The following ADCY1 variants were observed in gnomAD, a reference collection of about 807,000 sequenced individuals.
ADCY1 encodes adenylate cyclase 1.
In ADCY1, 28 loss-of-function variants were observed where a neutral mutation model predicts 105.4. That is an observed-to-expected ratio of 0.27 (90% CI 0.20 to 0.36). The LOEUF is 0.36. Ranked by LOEUF, ADCY1 falls within the 10% of genes least tolerant of loss-of-function variation. The pLI, the probability that ADCY1 is intolerant of heterozygous loss-of-function variation, is 1.00. For missense variants in ADCY1, 977 were observed against 1,434.2 expected, an observed-to-expected ratio of 0.68 and a Z score of 5.15; for synonymous variants, 655 against 623.8, an observed-to-expected ratio of 1.05 and a Z score of -0.75.
intron 7 of ADCY1, among the ~76,000 whole-genome samples, 190 bp from the exon 8 acceptor site, chr7:45,661,869 C>T (rs1795115912): frequency 6.6e-6 from 1 of 152,116 alleles, no homozygotes; most frequent in Admixed American, 6.6e-5. Flanking sequence ...TGGACGTGGC[C>T]CTCCCAATAT....
intron 1 of ADCY1, among the ~76,000 whole-genome samples, chr7:45,576,951 A>T (rs1792368077): frequency 6.6e-6 from 1 of 152,164 alleles, no homozygotes; most frequent in Admixed American, 6.5e-5. Context: ...TTTCCTATAT[A>T]GCCTCTAGTC....
chr7:45,695,554 C>T lies in ADCY1; in HGVS notation c.2455-7822C>T, dbSNP rs151192264. On this transcript the variant is annotated intron_variant, in intron 14 of 19. Coordinates refer to ENST00000297323, the MANE Select transcript of ADCY1 (RefSeq NM_021116.4). ...TGAACACAGCCAAGAATTAGAAGTCCTCAGCTCTGAGGCCTGTGCTTCTCC... is the reference window on the plus strand; with the variant it reads ...TGAACACAGCCAAGAATTAGAAGTCTTCAGCTCTGAGGCCTGTGCTTCTCC... Among the ~76,000 whole-genome samples, 212 of 152,318 alleles carry T rather than the reference C, an allele frequency of 1.4e-3. 4 individuals carry two copies. The highest frequency in any genetic ancestry group is 5.0e-3 in the African/African-American group (207 of 41,560).
chr7:45,683,165 T>G (rs1327563065), intron 11 of ADCY1, among the ~76,000 whole-genome samples: 1 of 152,162 alleles, frequency 6.6e-6, no homozygotes, highest in Non-Finnish European at 1.5e-5. Context: ...GGTCACCCTT[T>G]AGTGAACATT....
chr7:45,585,628 A>G (rs1792700571), intron 1 of ADCY1, among the ~76,000 whole-genome samples: 1 of 151,962 alleles, frequency 6.6e-6, no homozygotes. Context: ...TTGTATTTTT[A>G]GTAGAGATGG....
At chr7:45,693,491 G>A (rs959608884) in intron 14 of ADCY1, among the ~76,000 whole-genome samples, 3 of 145,272 alleles carry the variant, frequency 2.1e-5, no homozygotes, top group African/African-American at 7.7e-5. Flanking sequence ...GTAAACTATT[G>A]ATTATTGCCA....
rs1785220712 is a variant in ADCY1 at position 45,710,987 on chromosome 7, T to C, written c.3057+335T>C. On this transcript the variant is annotated intron_variant, in intron 19 of 19. Transcript: ENST00000297323. The surrounding 1 kb of genome is among the most constrained non-coding windows in gnomAD (Gnocchi z 4.7). Reference sequence around the variant, plus strand: ...GGACTCCGGACTCCACCAGCTGCCATAGGAAGGAAGGGCTTTCTTGTGTGT... The same window carrying C: ...GGACTCCGGACTCCACCAGCTGCCACAGGAAGGAAGGGCTTTCTTGTGTGT... Among the ~76,000 whole-genome samples the C allele has an allele frequency of 6.6e-6, 1 of 152,022 alleles. No individual in the cohort carries two copies. The highest frequency in any genetic ancestry group is 2.1e-4 in the South Asian group (1 of 4,814).
In ADCY1 at chr7:45,609,291, G is replaced by A. The variant is rs181500028; in HGVS notation, c.790-1088G>A. Among the ~76,000 whole-genome samples, 342 of 152,330 alleles carry A rather than the reference G, an allele frequency of 2.2e-3. 2 individuals carry two copies. The highest frequency in any genetic ancestry group is 3.9e-3 in the Admixed American group (59 of 15,306). On this transcript the variant is annotated intron_variant, in intron 2 of 19. Coordinates refer to ENST00000297323, the MANE Select transcript of ADCY1 (RefSeq NM_021116.4). ...TGGGTCAGGGATGTAGCCTGTGCAG[G>A]AGGGACTCCCAGGGCTGTGCCCGGC...
In ADCY1 at chr7:45,662,147, A is replaced by C; in HGVS notation, c.1538A>C (p.His513Pro). Residue 513 changes from histidine to proline, a missense_variant, in exon 8 of 20, where the codon CAC (histidine) becomes CCC (proline). Physicochemically the swap from His to Pro is moderately conservative, Grantham distance 77. This residue lies in a region of ADCY1 where 66 missense variants were observed against 127.2 expected (regional missense o/e 0.52). Transcript: ENST00000297323. ...TVCYLLVQLM[H>P]CRKMFKAEIP... Reference sequence around the variant, plus strand: ...TGCTACCTGCTGGTGCAGCTCATGCACTGCCGGAAAATGTTCAAGGCCGAG... The same window carrying C: ...TGCTACCTGCTGGTGCAGCTCATGCCCTGCCGGAAAATGTTCAAGGCCGAG... 6.2e-7 allele frequency: 1 copy of C among 1,614,136 alleles called. No homozygotes were observed. Among genetic ancestry groups the C allele is most frequent in the Non-Finnish European group, 8.5e-7 (1 of 1,180,030 alleles).
intron 3 of ADCY1, among the ~76,000 whole-genome samples, chr7:45,614,309 AGTT>A (rs1793676295): frequency 1.3e-5 from 2 of 152,218 alleles, no homozygotes; most frequent in Non-Finnish European, 2.9e-5. Context: ...ATTGAACTTA[AGTT>A]GTTATCAGCT....
chr7:45,593,678 G>A (rs1191832081), intron 2 of ADCY1, among the ~76,000 whole-genome samples: 1 of 152,212 alleles, frequency 6.6e-6, no homozygotes, highest in Non-Finnish European at 1.5e-5. Flanking sequence ...AGGCCTCTGT[G>A]ACACCAAACT....
At chr7:45,577,410 C>T (rs530852227) in intron 1 of ADCY1, among the ~76,000 whole-genome samples, 56 of 152,340 alleles carry the variant, frequency 3.7e-4, no homozygotes, top group African/African-American at 1.2e-3. Flanking sequence ...AGGGATTCTG[C>T]TTTCCAATTA....
At chr7:45,598,290 T>C (rs997996042) in intron 2 of ADCY1, among the ~76,000 whole-genome samples, 1 of 152,206 alleles carries the variant, frequency 6.6e-6, no homozygotes, top group African/African-American at 2.4e-5. Flanking sequence ...CCTCCTTTCG[T>C]GGCCACAGAT....
intron 8 of ADCY1, among the ~76,000 whole-genome samples, chr7:45,677,425 C>T (rs963154104): frequency 6.6e-6 from 1 of 152,192 alleles, no homozygotes; most frequent in African/African-American, 2.4e-5. Flanking sequence ...CTGTTCCCAT[C>T]AGCCCTGGCC....
At chr7:45,584,946 C>T (rs753164876) in intron 1 of ADCY1, among the ~76,000 whole-genome samples, 2 of 152,224 alleles carry the variant, frequency 1.3e-5, no homozygotes, top group African/African-American at 2.4e-5. Context: ...GGAGTCAGGG[C>T]AGCCTGTTCT....
At chr7:45,592,672 C>T in intron 1 of ADCY1, 87 bp from the exon 2 acceptor site, 2 of 1,572,102 alleles carry the variant, frequency 1.3e-6, no homozygotes, top group South Asian at 2.4e-5. Context: ...TTTTGGAGAG[C>T]TCTTGCTATG....
rs778441100 is a variant in ADCY1, at chr7:45,575,086, C to A, written c.543C>A (p.Ser181Arg). The A allele has an allele frequency of 2.5e-6, 4 of 1,612,716 alleles. No homozygotes were observed. In the East Asian group the frequency reaches 8.9e-5, roughly 36 times the overall value. ...CCTATGCCTTGCTGCCCGTGCGCAG[C>A]CTGCTGGCCATAGGCTTTGGGCTCG... ...FVSYALLPVR[S>R]LLAIGFGLVV... The change falls in exon 1 of 20, where the codon AGC becomes AGA. Residue 181 changes from serine (S) to arginine (R), a missense_variant. Ser to Arg is a moderately radical substitution (Grantham distance 110, BLOSUM62 -1). This residue lies in a region of ADCY1 where 196 missense variants were observed against 347.8 expected (regional missense o/e 0.56). Transcript: ENST00000297323. This position sits in a 1 kb window ranked among gnomAD's most constrained non-coding sequence, Gnocchi z 4.7.
intron 8 of ADCY1, among the ~76,000 whole-genome samples, chr7:45,667,610 G>C (rs1286195172): frequency 1.3e-5 from 2 of 152,124 alleles, no homozygotes; most frequent in Non-Finnish European, 2.9e-5. Flanking sequence ...TTGGCGATGT[G>C]GGCTCTTTTT....
intron 5 of ADCY1, among the ~76,000 whole-genome samples, chr7:45,654,258 C>A (rs978606162): frequency 6.6e-6 from 1 of 152,218 alleles, no homozygotes; most frequent in East Asian, 1.9e-4. Context: ...AGGTGATAGG[C>A]AAACCGTGAA....
chr7:45,646,749 C>T (rs921349699), intron 4 of ADCY1, among the ~76,000 whole-genome samples: 2 of 152,198 alleles, frequency 1.3e-5, no homozygotes, highest in African/African-American at 2.4e-5. Context: ...GGAAGGCCCC[C>T]TTCTGCAGAT....
Sources: allele counts gnomAD v4.1 joint callset (sites outside exome capture counted in the v4.1 genomes callset), GRCh38; gene constraint gnomAD v4.1.1; regional missense constraint gnomAD v4.1.1; non-coding constraint Gnocchi (gnomAD v3.1); transcripts MANE v1.5; gene names NCBI Gene and HGNC (gene_info 2026-07-23, HGNC 2026-07-21).